LPP: variants seen among roughly 807,000 people sequenced by gnomAD.
LPP encodes the protein LIM domain containing preferred translocation partner in lipoma.
Under a neutral mutation model 60.4 loss-of-function variants are expected in LPP, and 38 were observed. The ratio of observed to expected loss-of-function variants is 0.63; its 90% CI spans 0.49 to 0.83. The LOEUF (loss-of-function observed/expected upper bound fraction) is 0.83, where lower values mean the gene tolerates loss of function less well. Among genes scored for constraint, LPP ranks in the 40% least tolerant of loss-of-function variants. The pLI is 0.00. For missense variants in LPP, 902 were observed against 783.6 expected (o/e 1.15, Z -1.80); for synonymous variants, 328 against 290.8 (o/e 1.13, Z -1.30).
At position 188,882,396 on chromosome 3, in the gene LPP, GA is replaced by G; in HGVS notation, c.*7922del. 1 of 226,930 alleles carries G rather than the reference GA, an allele frequency of 4.4e-6. No individual in the cohort carries two copies. Among genetic ancestry groups the G allele is most frequent in the East Asian group, 6.3e-5 (1 of 15,750 alleles). 14.1% of individuals were successfully genotyped at this position (226,930 alleles called of 1,614,324 possible). A position where few individuals can be genotyped will look rare whatever the true frequency, so the allele number is the denominator to read the frequency against. ...TCCAAATAATCAGGCTGAATGGGAA[GA>G]AAAAGGCATAGAGGAAGCCTGAGGA... On this transcript the variant is annotated 3_prime_UTR_variant, in exon 12 of 12. Transcript: ENST00000617246.
intron 9 of LPP, among the ~76,000 whole-genome samples, chr3:188,848,250 C>CG (rs1164405710): frequency 6.6e-6 from 1 of 152,080 alleles, no homozygotes; most frequent in African/African-American, 2.4e-5. Context: ...TTGTGAAAAC[C>CG]ATAAGAGCCT....
intron 2 of LPP, among the ~76,000 whole-genome samples, chr3:188,293,183 G>A (rs200431491): frequency 1.1e-4 from 16 of 152,238 alleles, no homozygotes; most frequent in Admixed American, 5.9e-4. Flanking sequence ...TAATGGTGGC[G>A]CACAGCACAT....
chr3:188,613,462 A>G (rs1404976173), intron 7 of LPP, among the ~76,000 whole-genome samples: 1 of 151,578 alleles, frequency 6.6e-6, no homozygotes, highest in African/African-American at 2.4e-5. Flanking sequence ...TATCATAAAA[A>G]CTCATCTCCG....
chr3:188,649,523 C>T (rs1851695446), intron 7 of LPP, among the ~76,000 whole-genome samples: 1 of 152,204 alleles, frequency 6.6e-6, no homozygotes, highest in African/African-American at 2.4e-5. Flanking sequence ...CAGTCCCTTT[C>T]CATGCGGGAA....
intron 6 of LPP, among the ~76,000 whole-genome samples, chr3:188,592,255 C>A (rs1342591438): frequency 1.3e-5 from 2 of 151,934 alleles, no homozygotes; most frequent in Non-Finnish European, 2.9e-5. Context: ...AATTTATAAT[C>A]TCTGATATAA....
chr3:188,601,723 G>T (rs182819159), intron 6 of LPP, among the ~76,000 whole-genome samples: 62 of 152,170 alleles, frequency 4.1e-4, no homozygotes, highest in Middle Eastern at 3.4e-3. Context: ...TGATTCTGTT[G>T]TGCAGTCAGA....
chr3:188,191,186 T>C (rs1710995), intron 1 of LPP, among the ~76,000 whole-genome samples: 2,806 of 152,314 alleles, frequency 0.018, 56 homozygotes, highest in African/African-American at 0.064. Flanking sequence ...GCTGAGATCG[T>C]GCCACTGCAC....
intron 1 of LPP, among the ~76,000 whole-genome samples, chr3:188,189,885 C>A (rs903737539): frequency 6.6e-6 from 1 of 151,130 alleles, no homozygotes; most frequent in African/African-American, 2.4e-5. Flanking sequence ...ATGCTGCAAG[C>A]GAAGAGGGGT....
At chr3:188,228,261 G>T (rs1718553209) in intron 2 of LPP, among the ~76,000 whole-genome samples, 1 of 152,192 alleles carries the variant, frequency 6.6e-6, no homozygotes, top group Non-Finnish European at 1.5e-5. Context: ...TAGAACCTGG[G>T]CAGGACAGGG....
chr3:188,672,885 A>G (rs1857223417), intron 7 of LPP, among the ~76,000 whole-genome samples: 1 of 152,114 alleles, frequency 6.6e-6, no homozygotes, highest in African/African-American at 2.4e-5. Context: ...ATAATATACG[A>G]ATCACTTTAT....
At chr3:188,608,056 G>C (rs1259182764) in intron 6 of LPP, among the ~76,000 whole-genome samples, 1 of 152,124 alleles carries the variant, frequency 6.6e-6, no homozygotes, top group African/African-American at 2.4e-5. Flanking sequence ...CTGTCCCCCA[G>C]TCTGGTAGAG....
At chr3:188,200,867 A>C (rs1489134860) in intron 1 of LPP, among the ~76,000 whole-genome samples, 1 of 152,206 alleles carries the variant, frequency 6.6e-6, no homozygotes, top group Non-Finnish European at 1.5e-5. Flanking sequence ...TGAAATACTT[A>C]ATGTTTATAA....
At chr3:188,803,822 C>T (rs1748080222) in intron 9 of LPP, among the ~76,000 whole-genome samples, 1 of 152,052 alleles carries the variant, frequency 6.6e-6, no homozygotes, top group Non-Finnish European at 1.5e-5. Context: ...TTTTAAAATT[C>T]GTTTGTCAGT....
chr3:188,857,042 G>A (rs1406007100), intron 9 of LPP, among the ~76,000 whole-genome samples: 1 of 152,200 alleles, frequency 6.6e-6, no homozygotes, highest in East Asian at 1.9e-4. Flanking sequence ...AAGGGACCTA[G>A]TGTGGGGTTG....
intron 3 of LPP, among the ~76,000 whole-genome samples, chr3:188,378,567 C>G (rs1254675690): frequency 6.6e-6 from 1 of 152,136 alleles, no homozygotes; most frequent in Non-Finnish European, 1.5e-5. Context: ...TGGAAAAGCT[C>G]AGTATTAGGG....
chr3:188,195,803 G>A (rs1307090884), intron 1 of LPP, among the ~76,000 whole-genome samples: 1 of 152,180 alleles, frequency 6.6e-6, no homozygotes, highest in African/African-American at 2.4e-5. Flanking sequence ...AAATGTGGCT[G>A]CAGGAAATTA....
chr3:188,533,837 C>G (rs942528860), intron 6 of LPP, among the ~76,000 whole-genome samples: 6 of 152,126 alleles, frequency 3.9e-5, no homozygotes, highest in African/African-American at 1.4e-4. Context: ...CATGCCATGA[C>G]TTTTATGACA....
intron 4 of LPP, among the ~76,000 whole-genome samples, chr3:188,430,623 C>T (rs925748697): frequency 5.9e-5 from 9 of 152,142 alleles, no homozygotes; most frequent in Admixed American, 6.6e-5. Context: ...AAATAATGTG[C>T]AGTTAGAGTA....
chr3:188,161,500 G>A (rs1237660551), intron 1 of LPP, among the ~76,000 whole-genome samples: 2 of 152,166 alleles, frequency 1.3e-5, no homozygotes, highest in Non-Finnish European at 2.9e-5. Flanking sequence ...AACAGGAGAA[G>A]CAGCAAGCTG....
Sources: allele counts gnomAD v4.1 joint callset (sites outside exome capture counted in the v4.1 genomes callset), GRCh38; gene constraint gnomAD v4.1.1; transcripts MANE v1.5; gene names NCBI Gene and HGNC (gene_info 2026-07-23, HGNC 2026-07-21).